Variants in RAB38 observed in about 807,000 individuals in gnomAD.
RAB38 encodes RAB38, member RAS oncogene family.
RAB38 carries 15 observed loss-of-function variants against 18.4 expected under a neutral mutation model. The ratio of observed to expected loss-of-function variants is 0.82; its 90% CI spans 0.55 to 1.26. The LOEUF is 1.26. RAB38 is among the 50% of genes most tolerant of loss of function. RAB38 has a pLI of 0.00. For synonymous variants in RAB38, 101 were observed against 104.4 expected, an observed-to-expected ratio of 0.97 and a Z score of 0.20; for missense variants, 294 against 267.4, an observed-to-expected ratio of 1.10 and a Z score of -0.69.
chr11:88,072,691 A>G, the RAB38 span, among the ~76,000 whole-genome samples: 6 of 152,152 alleles, frequency 3.9e-5, no homozygotes, highest in South Asian at 1.0e-3. Context: ...TAAACTGAAT[A>G]TTTATGACTG....
chr11:87,816,758 G>C, the RAB38 span, among the ~76,000 whole-genome samples: 3 of 152,046 alleles, frequency 2.0e-5, no homozygotes, highest in Non-Finnish European at 2.9e-5. Context: ...TTTTTCTGAA[G>C]AACCCTTAAT....
chr11:87,914,447 T>C, the RAB38 span, among the ~76,000 whole-genome samples: 2 of 152,262 alleles, frequency 1.3e-5, no homozygotes, highest in Admixed American at 1.3e-4. Context: ...AAATTTCCAA[T>C]AGCAAAGTCT....
At chr11:88,086,703 T>C in the RAB38 span, among the ~76,000 whole-genome samples, 8 of 151,896 alleles carry the variant, frequency 5.3e-5, no homozygotes, top group Non-Finnish European at 1.2e-4. Flanking sequence ...AAGTAATAGG[T>C]GAGCAGAAAA....
intron 2 of RAB38, among the ~76,000 whole-genome samples, chr11:88,133,393 T>C (rs1412922199): frequency 1.3e-5 from 2 of 152,226 alleles, no homozygotes; most frequent in Non-Finnish European, 2.9e-5. Flanking sequence ...ACTTTCAATC[T>C]AGATGATGAA....
the RAB38 span, among the ~76,000 whole-genome samples, chr11:87,850,502 G>A: frequency 6.6e-6 from 1 of 152,012 alleles, no homozygotes; most frequent in Non-Finnish European, 1.5e-5. Flanking sequence ...GCACTCTTAT[G>A]TTTTGAGAGG....
chr11:87,958,802 G>A, the RAB38 span, among the ~76,000 whole-genome samples: 1 of 152,116 alleles, frequency 6.6e-6, no homozygotes, highest in Admixed American at 6.6e-5. Flanking sequence ...CTGCATTTCT[G>A]CTCCACCAGA....
the RAB38 span, among the ~76,000 whole-genome samples, chr11:88,043,456 G>A: frequency 2.0e-5 from 3 of 152,144 alleles, no homozygotes; most frequent in East Asian, 1.9e-4. Context: ...TGACCTGCAC[G>A]TATACATCCA....
the RAB38 span, chr11:87,815,221 T>A: frequency 2.0e-5 from 3 of 152,222 alleles, no homozygotes; most frequent in Non-Finnish European, 4.4e-5. Flanking sequence ...TAGAATATTA[T>A]GCTTTGTTGT....
intron 1 of RAB38, among the ~76,000 whole-genome samples, chr11:88,154,195 C>T (rs1248234522): frequency 6.6e-6 from 1 of 152,188 alleles, no homozygotes; most frequent in South Asian, 2.1e-4. Context: ...ACGTGAGGAA[C>T]AGCTGCAGAC....
rs749101503 is a variant in RAB38 at position 88,164,259 on chromosome 11, TG to T, written c.202+10923del. On this transcript the variant is annotated intron_variant, in intron 1 of 2. Coordinates refer to ENST00000243662, the MANE Select transcript of RAB38 (RefSeq NM_022337.3). ...AAAATATATGCCAAGGTGCTCTCGG[TG>T]GGGGGGGGTGCCATGGTGAACTCAC... Among the ~76,000 whole-genome samples, 19 of 103,292 alleles carry T rather than the reference TG, an allele frequency of 1.8e-4. 2 individuals carry two copies. The highest frequency in any genetic ancestry group is 2.9e-4 in the Non-Finnish European group (13 of 44,684). The allele number at this position is 103,292 out of a possible 152,430, so 67.8% of individuals were successfully genotyped here.
chr11:87,892,405 T>A, the RAB38 span, among the ~76,000 whole-genome samples: 1 of 151,832 alleles, frequency 6.6e-6, no homozygotes, highest in South Asian at 2.1e-4. Flanking sequence ...TTCTCCTGGG[T>A]GGTTGTAATA....
At chr11:87,878,786 T>C in the RAB38 span, among the ~76,000 whole-genome samples, 1 of 151,696 alleles carries the variant, frequency 6.6e-6, no homozygotes, top group Non-Finnish European at 1.5e-5. Context: ...AATTTCTTGC[T>C]CAATCCACCT....
intron 1 of RAB38, among the ~76,000 whole-genome samples, chr11:88,172,397 G>A (rs1428045532): frequency 6.6e-6 from 1 of 152,194 alleles, no homozygotes; most frequent in Non-Finnish European, 1.5e-5. Context: ...GACACATCAT[G>A]GGAATTTAGT....
the RAB38 span, among the ~76,000 whole-genome samples, chr11:87,931,688 A>G: frequency 1.0e-3 from 155 of 152,264 alleles, no homozygotes; most frequent in Middle Eastern, 0.01. Flanking sequence ...GTTAGCTTTG[A>G]TGATTCAGAG....
At chr11:88,055,593 C>T in the RAB38 span, among the ~76,000 whole-genome samples, 48 of 152,088 alleles carry the variant, frequency 3.2e-4, no homozygotes, top group Admixed American at 3.1e-3. Flanking sequence ...GAAAGAGGTA[C>T]TGTGATAGAA....
At chr11:88,022,403 G>A in the RAB38 span, among the ~76,000 whole-genome samples, 4 of 151,352 alleles carry the variant, frequency 2.6e-5, no homozygotes, top group Non-Finnish European at 4.4e-5. Flanking sequence ...GTACTGAATG[G>A]GGAAAAACTG....
the RAB38 span, among the ~76,000 whole-genome samples, chr11:87,851,952 T>A: frequency 6.6e-6 from 1 of 152,150 alleles, no homozygotes; most frequent in East Asian, 1.9e-4. Context: ...ACAGGAAACT[T>A]CATAAGGAAA....
chr11:87,938,619 G>A, the RAB38 span, among the ~76,000 whole-genome samples: 2 of 99,858 alleles, frequency 2.0e-5, no homozygotes, highest in African/African-American at 4.3e-5. Flanking sequence ...GCTCTTTTCC[G>A]TTTTTTTTTT....
chr11:88,075,156 C>T, the RAB38 span, among the ~76,000 whole-genome samples: 10 of 152,272 alleles, frequency 6.6e-5, no homozygotes, highest in South Asian at 4.1e-4. Context: ...AGGACATCAA[C>T]GAAGAAACAT....
Sources: allele counts gnomAD v4.1 joint callset (sites outside exome capture counted in the v4.1 genomes callset), GRCh38; gene constraint gnomAD v4.1.1; transcripts MANE v1.5; gene names NCBI Gene and HGNC (gene_info 2026-07-23, HGNC 2026-07-21).